SULF1: variants seen among roughly 807,000 people sequenced by gnomAD.
SULF1 encodes the protein extracellular sulfatase Sulf-1.
SULF1 carries 46 observed loss-of-function variants against 110.5 expected under a neutral mutation model. The ratio of observed to expected loss-of-function variants is 0.42; its 90% CI spans 0.33 to 0.53. The LOEUF is 0.53. SULF1 is among the 20% of genes least tolerant of loss of function. The pLI is 0.12. For missense variants in SULF1, 941 were observed against 1,094.2 expected (o/e 0.86, Z 1.98); for synonymous variants, 371 against 387.1 (o/e 0.96, Z 0.49).
In SULF1 at chr8:69,523,665, G is replaced by C. The variant is rs1454586123; in HGVS notation, c.-134+21697G>C. On this transcript the variant is annotated intron_variant, in intron 3 of 22. Coordinates refer to ENST00000402687, the MANE Select transcript of SULF1 (RefSeq NM_001128205.2). Reference sequence around the variant, plus strand: ...TTACAAAGGACTGATGATAATGACTGTCGGTGGAATTATAATTCACTACCC... The same window carrying C: ...TTACAAAGGACTGATGATAATGACTCTCGGTGGAATTATAATTCACTACCC... Among the ~76,000 whole-genome samples the C allele has an allele frequency of 2.0e-5, 3 of 152,058 alleles. 1 individual carries two copies. The highest frequency in any genetic ancestry group is 7.2e-5 in the African/African-American group (3 of 41,414).
At chr8:69,471,668 T>C (rs2150530496) in intron 1 of SULF1, among the ~76,000 whole-genome samples, 1 of 152,332 alleles carries the variant, frequency 6.6e-6, no homozygotes, top group Admixed American at 6.5e-5. Flanking sequence ...TCTCTAGCTG[T>C]GTGGCCTTGG....
At chr8:69,568,630 C>T (rs1316219961) in intron 5 of SULF1, among the ~76,000 whole-genome samples, 3 of 152,190 alleles carry the variant, frequency 2.0e-5, no homozygotes, top group Non-Finnish European at 4.4e-5. Flanking sequence ...ATGGCTTAAC[C>T]ATGGTCCCCT....
intron 6 of SULF1, among the ~76,000 whole-genome samples, chr8:69,580,612 T>C (rs1346845557): frequency 6.6e-6 from 1 of 152,218 alleles, no homozygotes. Context: ...CTCATGGTAA[T>C]TATAATATTG....
intron 3 of SULF1, among the ~76,000 whole-genome samples, chr8:69,550,007 T>C (rs1814579513): frequency 2.0e-5 from 3 of 151,818 alleles, no homozygotes; most frequent in Admixed American, 2.0e-4. Flanking sequence ...GATGGCCTGT[T>C]TTGTTCTCCT....
At chr8:69,484,197 T>A (rs781052546) in intron 1 of SULF1, among the ~76,000 whole-genome samples, 2 of 152,216 alleles carry the variant, frequency 1.3e-5, no homozygotes, top group Non-Finnish European at 2.9e-5. Flanking sequence ...TATTTAGTAA[T>A]TTTTAAATTC....
At chr8:69,552,042 A>T (rs1248514960) in intron 3 of SULF1, among the ~76,000 whole-genome samples, 1 of 152,200 alleles carries the variant, frequency 6.6e-6, no homozygotes, top group Non-Finnish European at 1.5e-5. Flanking sequence ...CAGTGAGCTG[A>T]GATCGCCGCC....
intron 15 of SULF1, among the ~76,000 whole-genome samples, chr8:69,625,623 C>A (rs1809943057): frequency 1.3e-5 from 2 of 152,086 alleles, no homozygotes; most frequent in Admixed American, 6.5e-5. Flanking sequence ...TGGAGTTGTT[C>A]GTTCCTCCCA....
chr8:69,634,409 G>T (rs546475823), intron 19 of SULF1, among the ~76,000 whole-genome samples: 2 of 152,222 alleles, frequency 1.3e-5, no homozygotes, highest in Admixed American at 6.5e-5. Context: ...TACTTAAAGG[G>T]TGCACATCTA....
intron 3 of SULF1, among the ~76,000 whole-genome samples, chr8:69,533,703 G>A: frequency 6.6e-6 from 1 of 152,118 alleles, no homozygotes; most frequent in East Asian, 1.9e-4. Context: ...AAATAGTGCT[G>A]CAATAAACAT....
chr8:69,561,224 A>C (rs1815462616), intron 3 of SULF1, among the ~76,000 whole-genome samples: 1 of 152,204 alleles, frequency 6.6e-6, no homozygotes, highest in African/African-American at 2.4e-5. Context: ...TCAAAACATC[A>C]AATTGAACCC....
chr8:69,616,148 A>G (rs1454315390), intron 13 of SULF1, among the ~76,000 whole-genome samples: 1 of 142,566 alleles, frequency 7.0e-6, no homozygotes, highest in Non-Finnish European at 1.5e-5. Context: ...ACACACATAT[A>G]TGTGTGTGTA....
chr8:69,478,029 A>G (rs1809374320), intron 1 of SULF1, among the ~76,000 whole-genome samples: 2 of 151,550 alleles, frequency 1.3e-5, no homozygotes, highest in Admixed American at 1.3e-4. Flanking sequence ...AATTTTTCCT[A>G]TTTTCTATAG....
chr8:69,504,020 G>T (rs926110377), intron 3 of SULF1, among the ~76,000 whole-genome samples: 1 of 151,880 alleles, frequency 6.6e-6, no homozygotes, highest in African/African-American at 2.4e-5. Flanking sequence ...GGATGGTCTC[G>T]ATCTCTTGAC....
At chr8:69,496,757 A>G (rs1810387864) in intron 2 of SULF1, among the ~76,000 whole-genome samples, 1 of 152,258 alleles carries the variant, frequency 6.6e-6, no homozygotes, top group Non-Finnish European at 1.5e-5. Flanking sequence ...GTTAGCCGAC[A>G]TAATGATTTA....
chr8:69,552,690 T>C (rs1814812848), intron 3 of SULF1, among the ~76,000 whole-genome samples: 1 of 152,236 alleles, frequency 6.6e-6, no homozygotes, highest in Admixed American at 6.5e-5. Context: ...AATGGCCACA[T>C]TAAAAACAAT....
At chr8:69,639,691 A>G (rs1008196876) in intron 21 of SULF1, among the ~76,000 whole-genome samples, 19 of 152,198 alleles carry the variant, frequency 1.2e-4, no homozygotes, top group African/African-American at 4.1e-4. Context: ...TGCAGTTTGC[A>G]GGAGCTTTTT....
chr8:69,519,184 T>C (rs1380361385), intron 3 of SULF1, among the ~76,000 whole-genome samples: 3 of 152,182 alleles, frequency 2.0e-5, no homozygotes, highest in Non-Finnish European at 4.4e-5. Flanking sequence ...TCCCACCACA[T>C]TCATATTCAA....
At position 69,514,707 on chromosome 8, in the gene SULF1, A is replaced by G. The variant is rs117754064; in HGVS notation, c.-134+12739A>G. Among the ~76,000 whole-genome samples the G allele has an allele frequency of 7.8e-3, 1,181 of 152,340 alleles. 12 individuals are homozygous for G. The highest frequency in any genetic ancestry group is 0.025 in the South Asian group (119 of 4,822). On this transcript the variant is annotated intron_variant, in intron 3 of 22. Coordinates refer to ENST00000402687, the MANE Select transcript of SULF1 (RefSeq NM_001128205.2). ...TTCTGCCTATGATCCTGTAAAATCA[A>G]AAACAAGTTAGTTACTTCCAAGATA...
intron 6 of SULF1, among the ~76,000 whole-genome samples, chr8:69,581,946 C>A (rs1041287329): frequency 6.6e-6 from 1 of 151,924 alleles, no homozygotes; most frequent in Non-Finnish European, 1.5e-5. Flanking sequence ...GAGTACATTT[C>A]TTACGCTCCG....
Sources: gnomAD v4.1 joint callset for allele counts (sites outside exome capture counted in the v4.1 genomes callset) on GRCh38, gnomAD v4.1.1 for gene constraint, MANE v1.5 for transcripts, NCBI Gene and HGNC (gene_info 2026-07-23, HGNC 2026-07-21) for gene names.